Variants in RALGAPA2 observed in about 807,000 individuals in gnomAD.
RALGAPA2 encodes ral GTPase-activating protein subunit alpha-2.
A neutral mutation model predicts 230.4 loss-of-function variants in RALGAPA2; 139 were observed. That is an observed-to-expected ratio of 0.60 (90% CI 0.53 to 0.69). RALGAPA2 has a LOEUF of 0.69. RALGAPA2 is among the 30% of genes least tolerant of loss of function. RALGAPA2 has a pLI of 0.00. For missense variants in RALGAPA2, 2,163 were observed against 2,276.0 expected, an observed-to-expected ratio of 0.95 and a Z score of 1.01; for synonymous variants, 847 against 837.8, an observed-to-expected ratio of 1.01 and a Z score of -0.19.
At chr20:20,515,935 T>C (rs542380045) in intron 31 of RALGAPA2, among the ~76,000 whole-genome samples, 8 of 152,080 alleles carry the variant, frequency 5.3e-5, no homozygotes, top group Non-Finnish European at 1.2e-4. Context: ...TGGGAAAGCT[T>C]ATGGCCTGCG....
chr20:20,408,606 T>C (rs2059993614), intron 38 of RALGAPA2, among the ~76,000 whole-genome samples: 1 of 152,206 alleles, frequency 6.6e-6, no homozygotes, highest in Admixed American at 6.5e-5. Context: ...GCTGCAGTGA[T>C]TACATCAGTC....
At chr20:20,499,139 A>T (rs1329855231) in intron 35 of RALGAPA2, among the ~76,000 whole-genome samples, 1 of 152,284 alleles carries the variant, frequency 6.6e-6, no homozygotes, top group East Asian at 1.9e-4. Flanking sequence ...TGTTACTGTG[A>T]CTGATTTTTA....
chr20:20,546,563 A>G (rs1173369707), intron 24 of RALGAPA2, 141 bp downstream of exon 24: 26 of 1,128,470 alleles, frequency 2.3e-5, no homozygotes, highest in African/African-American at 3.2e-5. Flanking sequence ...TTCACACATC[A>G]GCTGCCAGGG....
At chr20:20,620,420 A>T (rs747286160) in intron 11 of RALGAPA2, 43 bp downstream of exon 11, 4 of 1,589,236 alleles carry the variant, frequency 2.5e-6, no homozygotes, top group Non-Finnish European at 1.7e-6. Flanking sequence ...ACTTTACTAA[A>T]ATATATTTAC....
At chr20:20,566,556 T>C (rs1007769564) in intron 23 of RALGAPA2, among the ~76,000 whole-genome samples, 5 of 152,210 alleles carry the variant, frequency 3.3e-5, no homozygotes, top group African/African-American at 1.2e-4. Context: ...ATGGTGTTGC[T>C]GTTCTTCTCC....
intron 37 of RALGAPA2, among the ~76,000 whole-genome samples, chr20:20,438,134 A>G (rs935666248): frequency 6.6e-6 from 1 of 152,182 alleles, no homozygotes; most frequent in Non-Finnish European, 1.5e-5. Context: ...GAAATGAAAC[A>G]TTTCTTTCCG....
chr20:20,695,938 G>C (rs184619264), intron 1 of RALGAPA2, among the ~76,000 whole-genome samples: 18 of 152,088 alleles, frequency 1.2e-4, no homozygotes, highest in African/African-American at 4.1e-4. Context: ...ACATTTTTCT[G>C]GTCTCATTCT....
chr20:20,573,009 A>C lies in RALGAPA2; in HGVS notation c.2767T>G (p.Trp923Gly). The change falls in exon 21 of 40, where the codon TGG becomes GGG. Residue 923 changes from tryptophan to glycine, a missense_variant. Trp to Gly is a radical substitution (Grantham distance 184, BLOSUM62 -2). Transcript: ENST00000202677. ...AACACAGCAGCAGAGTCTGGGTGCC[A>C]ACCAGTGAGGCTCCCCCCGGCGATT... ...SIIAGGSLTGWHPDSAAVLWR... is the reference protein window; with the variant it reads ...SIIAGGSLTGGHPDSAAVLWR... The C allele has an allele frequency of 1.2e-6, 2 of 1,610,732 alleles. No individual in the cohort carries two copies. The highest frequency in any genetic ancestry group is 1.7e-6 in the Non-Finnish European group (2 of 1,178,576).
chr20:20,554,248 C>T (rs573463146), intron 23 of RALGAPA2, among the ~76,000 whole-genome samples: 2 of 152,172 alleles, frequency 1.3e-5, no homozygotes, highest in Non-Finnish European at 2.9e-5. Flanking sequence ...TGGAATCTTA[C>T]TATATATATG....
At chr20:20,562,878 C>T (rs1202608952) in intron 23 of RALGAPA2, among the ~76,000 whole-genome samples, 1 of 152,134 alleles carries the variant, frequency 6.6e-6, no homozygotes, top group Non-Finnish European at 1.5e-5. Context: ...ATTTTTGGTG[C>T]AGTCATCTAT....
chr20:20,453,998 C>A (rs905691187), intron 37 of RALGAPA2, among the ~76,000 whole-genome samples: 5 of 152,176 alleles, frequency 3.3e-5, no homozygotes, highest in African/African-American at 1.2e-4. Flanking sequence ...GCAAGAAATG[C>A]ACCTTGCACC....
chr20:20,453,226 G>C (rs902936055), intron 37 of RALGAPA2, among the ~76,000 whole-genome samples: 2 of 152,198 alleles, frequency 1.3e-5, no homozygotes, highest in Non-Finnish European at 2.9e-5. Context: ...TAAGTAAACA[G>C]ATGTCTCTCC....
At position 20,520,978 on chromosome 20, in the gene RALGAPA2, G is replaced by C; in HGVS notation, c.4023C>G (p.Ser1341Arg). The C allele has an allele frequency of 6.2e-7, 1 of 1,613,932 alleles. No individual in the cohort carries two copies. The highest frequency in any genetic ancestry group is 8.5e-7 in the Non-Finnish European group (1 of 1,179,838). The change falls in exon 31 of 40, where the codon AGC (serine) becomes AGG (arginine). Residue 1341 changes from serine (S) to arginine (R), a missense_variant. Coordinates refer to ENST00000202677, the MANE Select transcript of RALGAPA2 (RefSeq NM_020343.4). The part of the protein sequence containing the change: ...DPFLPLANVK[S>R]SEPVQYHSSA... ...ATGAATGATACTGGACTGGCTCAGA[G>C]CTCTTCACATTTGCCAGTGGCAGGA...
intron 31 of RALGAPA2, among the ~76,000 whole-genome samples, chr20:20,514,495 AT>A (rs2062812299): frequency 6.6e-6 from 1 of 151,594 alleles, no homozygotes; most frequent in African/African-American, 2.4e-5. Context: ...CCACATCCAG[AT>A]GGATCTCCAG....
intron 3 of RALGAPA2, among the ~76,000 whole-genome samples, chr20:20,662,195 A>G (rs1310246267): frequency 6.6e-6 from 1 of 152,216 alleles, no homozygotes; most frequent in Non-Finnish European, 1.5e-5. Flanking sequence ...AAATCCCTCA[A>G]AGTAAGTGTT....
rs183702099 is a variant in RALGAPA2, at chr20:20,645,360, C to T, written c.329-1811G>A. Among the ~76,000 whole-genome samples, 239 of 151,996 alleles carry T rather than the reference C, an allele frequency of 1.6e-3. 1 individual carries two copies. Among genetic ancestry groups the T allele is most frequent in the African/African-American group, 5.4e-3 (226 of 41,474 alleles). On this transcript the variant is annotated intron_variant, in intron 4 of 39. Transcript: ENST00000202677. ...AACTCCTGAGCTCAGGCAATCCACC[C>T]GCCTCGGCCTCCCAAAGTGCTGGGA... is the stretch of plus-strand genomic sequence containing the variant.
At chr20:20,465,295 A>C (rs1362586810) in intron 37 of RALGAPA2, among the ~76,000 whole-genome samples, 1 of 152,086 alleles carries the variant, frequency 6.6e-6, no homozygotes, top group East Asian at 1.9e-4. Context: ...CAGAGGATAG[A>C]GGAGGTTCAG....
chr20:20,589,403 G>T, intron 17 of RALGAPA2, 38 bp from the exon 18 acceptor site: 1 of 1,538,584 alleles, frequency 6.5e-7, no homozygotes, highest in Non-Finnish European at 8.8e-7. Flanking sequence ...GGAAATAGAA[G>T]GAATGTTTCA....
At chr20:20,458,200 G>C (rs1385523488) in intron 37 of RALGAPA2, among the ~76,000 whole-genome samples, 1 of 152,034 alleles carries the variant, frequency 6.6e-6, no homozygotes, top group Non-Finnish European at 1.5e-5. Flanking sequence ...GCTGTAAAGA[G>C]AAAGCCTTCA....
Sources: allele counts gnomAD v4.1 joint callset (sites outside exome capture counted in the v4.1 genomes callset), GRCh38; gene constraint gnomAD v4.1.1; transcripts MANE v1.5; gene names NCBI Gene and HGNC (gene_info 2026-07-23, HGNC 2026-07-21).